The following RORB variants were observed in gnomAD, a reference collection of about 807,000 sequenced individuals.
RORB encodes the protein RAR related orphan receptor B.
A neutral mutation model predicts 59.1 loss-of-function variants in RORB; 6 were observed. That is an observed-to-expected ratio of 0.10 (90% CI 0.06 to 0.20). The LOEUF is 0.20. Ranked by LOEUF, RORB falls within the 10% of genes least tolerant of loss-of-function variation. RORB has a pLI of 1.00. For missense variants in RORB, 320 were observed against 560.5 expected, an observed-to-expected ratio of 0.57 and a Z score of 4.33; for synonymous variants, 215 against 204.5, an observed-to-expected ratio of 1.05 and a Z score of -0.44.
chr9:74,676,444 C>T (rs1393587378), intron 9 of RORB, among the ~76,000 whole-genome samples: 1 of 152,244 alleles, frequency 6.6e-6, no homozygotes, highest in Non-Finnish European at 1.5e-5. Flanking sequence ...ACTCAGCTCA[C>T]CATATGCAGG....
At chr9:74,637,366 C>T (rs913207368) in intron 3 of RORB, among the ~76,000 whole-genome samples, 2 of 152,126 alleles carry the variant, frequency 1.3e-5, no homozygotes, top group East Asian at 1.9e-4. Flanking sequence ...ACTGCTATAT[C>T]GGTTTATTAG....
chr9:74,650,853 G>T (rs912829032), intron 4 of RORB, among the ~76,000 whole-genome samples: 1 of 152,140 alleles, frequency 6.6e-6, no homozygotes, highest in Admixed American at 6.5e-5. Flanking sequence ...GACCTTCAAA[G>T]ATTACTTCTA....
chr9:74,532,846 A>ATATGTGTATATATATACACATATC (rs1188636561), intron 1 of RORB, among the ~76,000 whole-genome samples: 1 of 31,850 alleles, frequency 3.1e-5, no homozygotes, highest in African/African-American at 1.1e-4. Flanking sequence ...ATACACATAT[A>ATATGTGTATATATATACACATATC]TATACACATA....
intron 1 of RORB, among the ~76,000 whole-genome samples, chr9:74,597,887 G>A (rs1466193919): frequency 1.3e-5 from 2 of 152,036 alleles, no homozygotes; most frequent in Admixed American, 6.5e-5. Flanking sequence ...GAACCCGGGA[G>A]GCAGAGGTTG....
At chr9:74,677,883 A>T (rs1824472010) in intron 9 of RORB, among the ~76,000 whole-genome samples, 1 of 152,130 alleles carries the variant, frequency 6.6e-6, no homozygotes. Flanking sequence ...CATTTTTATC[A>T]TTTTTGTTCA....
At position 74,690,316 on chromosome 9, in the gene RORB, G is replaced by A. The variant is rs1481877763; in HGVS notation, c.*4698G>A. ...GGTAGAGGGTAGTTTACCATTTAAA[G>A]CAGGGGTTGAAAATTCGAAAGCCTA... On this transcript the variant is annotated 3_prime_UTR_variant, in exon 10 of 10. Transcript: ENST00000376896. The A allele has an allele frequency of 6.6e-6, 1 of 152,210 alleles. No individual in the cohort carries two copies. The highest frequency in any genetic ancestry group is 1.5e-5 in the Non-Finnish European group (1 of 68,066). The allele number at this position is 152,210 out of a possible 1,614,324, so 9.4% of individuals were successfully genotyped here. A position where few individuals can be genotyped will look rare whatever the true frequency, so the allele number is the denominator to read the frequency against.
intron 1 of RORB, among the ~76,000 whole-genome samples, chr9:74,624,932 G>A (rs1587391239): frequency 6.6e-6 from 1 of 152,240 alleles, no homozygotes; most frequent in East Asian, 1.9e-4. Flanking sequence ...ATGGGAAACA[G>A]AAGCTAACAG....
chr9:74,531,820 C>CT (rs936483917), intron 1 of RORB, among the ~76,000 whole-genome samples: 34 of 151,848 alleles, frequency 2.2e-4, no homozygotes, highest in Middle Eastern at 3.4e-3. Context: ...TTACATGAGA[C>CT]TTTTTTTTAT....
chr9:74,601,736 G>C (rs1159696921), intron 1 of RORB, among the ~76,000 whole-genome samples: 1 of 152,122 alleles, frequency 6.6e-6, no homozygotes, highest in Non-Finnish European at 1.5e-5. Flanking sequence ...TTCTGATTAA[G>C]AGCAAAAGAA....
chr9:74,632,773 C>A (rs1443667787), intron 2 of RORB, among the ~76,000 whole-genome samples: 3 of 152,112 alleles, frequency 2.0e-5, no homozygotes, highest in African/African-American at 7.2e-5. Context: ...ATGTAAATTT[C>A]AAGTCATCTT....
chr9:74,629,538 T>G (rs996169), intron 1 of RORB, among the ~76,000 whole-genome samples: 144,518 of 151,896 alleles, frequency 0.95, 69,192 homozygotes, highest in East Asian at 1. Flanking sequence ...TTTCCCTTCG[T>G]CCTAATTAAA....
intron 1 of RORB, among the ~76,000 whole-genome samples, chr9:74,526,286 A>G (rs1826155104): frequency 6.6e-6 from 1 of 151,894 alleles, no homozygotes; most frequent in South Asian, 2.1e-4. Context: ...GTTAACTCAC[A>G]CACTTTCCCC....
chr9:74,666,556 CT>C (rs896797352), intron 7 of RORB, among the ~76,000 whole-genome samples: 8 of 148,412 alleles, frequency 5.4e-5, no homozygotes, highest in South Asian at 4.3e-4. Flanking sequence ...GTGAAATCAG[CT>C]TTTTTTTTTC....
At chr9:74,646,540 C>A (rs1224511866) in intron 4 of RORB, among the ~76,000 whole-genome samples, 2 of 152,168 alleles carry the variant, frequency 1.3e-5, no homozygotes, top group Non-Finnish European at 2.9e-5. Context: ...TGTAGAAAAT[C>A]ATTTCATGCA....
At chr9:74,519,678 C>G (rs1342200033) in intron 1 of RORB, among the ~76,000 whole-genome samples, 1 of 151,976 alleles carries the variant, frequency 6.6e-6, no homozygotes, top group African/African-American at 2.4e-5. Context: ...ATCATCTTTA[C>G]AATTCCCGAC....
At chr9:74,536,530 G>T (rs1257937237) in intron 1 of RORB, among the ~76,000 whole-genome samples, 5 of 151,878 alleles carry the variant, frequency 3.3e-5, no homozygotes, top group Non-Finnish European at 5.9e-5. Context: ...CAAATATTTG[G>T]TAAATTAATT....
At chr9:74,665,699 A>G in intron 7 of RORB, 104 bp downstream of exon 7, 1 of 744,800 alleles carries the variant, frequency 1.3e-6, no homozygotes, top group Non-Finnish European at 2.4e-6. Flanking sequence ...GATGTGAACC[A>G]GTATCTCATT....
intron 1 of RORB, among the ~76,000 whole-genome samples, chr9:74,510,875 C>T (rs1825928095): frequency 6.6e-6 from 1 of 152,130 alleles, no homozygotes; most frequent in African/African-American, 2.4e-5. Flanking sequence ...GCATCTTCAC[C>T]TGTCAAATAA....
chr9:74,625,884 A>G (rs1322065453), intron 1 of RORB, among the ~76,000 whole-genome samples: 1 of 152,200 alleles, frequency 6.6e-6, no homozygotes, highest in Non-Finnish European at 1.5e-5. Context: ...GTTACCTCCA[A>G]CCAGAACGTA....
Sources: allele counts gnomAD v4.1 joint callset (sites outside exome capture counted in the v4.1 genomes callset), GRCh38; gene constraint gnomAD v4.1.1; transcripts MANE v1.5; gene names NCBI Gene and HGNC (gene_info 2026-07-23, HGNC 2026-07-21).